The following CSMD1 variants were observed in gnomAD, a reference collection of about 807,000 sequenced individuals.
CSMD1 encodes CUB and sushi domain-containing protein 1.
A neutral mutation model predicts 417.5 loss-of-function variants in CSMD1; 213 were observed. The observed-to-expected ratio is 0.51, with a 90% CI of 0.46 to 0.57. The LOEUF is 0.57. Among genes scored for constraint, CSMD1 ranks in the 20% least tolerant of loss-of-function variants. The probability of loss-of-function intolerance (pLI) is 0.00; values close to 1 mark genes in which losing one functional copy is unlikely to be tolerated. For synonymous variants in CSMD1, 2,862 were observed against 1,736.8 expected, an observed-to-expected ratio of 1.65 and a Z score of -16.11; for missense variants, 6,923 against 4,529.7, an observed-to-expected ratio of 1.53 and a Z score of -15.17.
chr8:4,004,465 A>C (rs1585116405), intron 4 of CSMD1, among the ~76,000 whole-genome samples: 1 of 151,964 alleles, frequency 6.6e-6, no homozygotes, highest in Non-Finnish European at 1.5e-5. Flanking sequence ...GTAAAATAAA[A>C]TGGCCTAATT....
chr8:3,983,545 C>T (rs9650478), intron 5 of CSMD1, among the ~76,000 whole-genome samples: 38,556 of 152,060 alleles, frequency 0.25, 4,968 homozygotes, highest in East Asian at 0.39. Flanking sequence ...ATTTCAGTGC[C>T]GTGGAGAAGG....
intron 18 of CSMD1, among the ~76,000 whole-genome samples, chr8:3,372,821 C>G (rs1810056131): frequency 6.6e-6 from 1 of 152,092 alleles, no homozygotes; most frequent in Admixed American, 6.5e-5. Context: ...GAAGGGAGAC[C>G]ACAACTATGT....
chr8:3,639,131 G>A lies in CSMD1; in HGVS notation c.1010-22334C>T, dbSNP rs1046441186. Among the ~76,000 whole-genome samples the A allele has an allele frequency of 2.9e-4, 44 of 152,186 alleles. No individual in the cohort carries two copies. In the East Asian group the frequency reaches 4.5e-3, roughly 15 times the overall value. On this transcript the variant is annotated intron_variant, in intron 7 of 69. Coordinates refer to ENST00000635120, the MANE Select transcript of CSMD1 (RefSeq NM_033225.6). The stretch of plus-strand genomic sequence containing the variant: ...GACTTCATTCTAGCAAAAGATTTTC[G>A]CAGCTCTACTTTAAGCCTTGCAGTA...
intron 1 of CSMD1, among the ~76,000 whole-genome samples, chr8:4,795,249 T>C (rs1365760926): frequency 7.3e-6 from 1 of 136,844 alleles, no homozygotes; most frequent in Non-Finnish European, 1.5e-5. Flanking sequence ...GCTGGTGTCA[T>C]AGCTTTTTTT....
chr8:3,187,817 T>C, intron 36 of CSMD1, 52 bp downstream of exon 36: 8 of 1,322,408 alleles, frequency 6.0e-6, no homozygotes, highest in Non-Finnish European at 8.7e-6. Flanking sequence ...GTTGTTTTCT[T>C]GGTGTTTGCA....
chr8:3,729,092 G>C (rs1034107799), intron 6 of CSMD1, among the ~76,000 whole-genome samples: 3 of 152,196 alleles, frequency 2.0e-5, no homozygotes, highest in African/African-American at 7.2e-5. Context: ...ATGTCAGCCA[G>C]GGAAGTAAAG....
chr8:4,151,442 G>C (rs1231085000), intron 3 of CSMD1, among the ~76,000 whole-genome samples: 1 of 152,156 alleles, frequency 6.6e-6, no homozygotes, highest in South Asian at 2.1e-4. Flanking sequence ...ATTTGTAATT[G>C]CAATAAGATA....
At chr8:3,457,865 T>G (rs1816257096) in intron 12 of CSMD1, among the ~76,000 whole-genome samples, 1 of 152,144 alleles carries the variant, frequency 6.6e-6, no homozygotes, top group Admixed American at 6.5e-5. Context: ...GAGAATGTTA[T>G]CACATTCACA....
intron 5 of CSMD1, among the ~76,000 whole-genome samples, chr8:3,965,743 G>A (rs1037741963): frequency 7.2e-5 from 11 of 151,820 alleles, no homozygotes; most frequent in Admixed American, 1.3e-4. Context: ...TCAGCCTCCC[G>A]AGTAGCTGGG....
At chr8:3,238,789 G>A (rs1189813029) in intron 26 of CSMD1, among the ~76,000 whole-genome samples, 1 of 152,180 alleles carries the variant, frequency 6.6e-6, no homozygotes, top group Non-Finnish European at 1.5e-5. Flanking sequence ...AGCCTTGCCA[G>A]CAAAGATTAT....
chr8:3,004,864 C>T (rs752925791), intron 52 of CSMD1, among the ~76,000 whole-genome samples: 4 of 152,128 alleles, frequency 2.6e-5, no homozygotes, highest in Admixed American at 6.5e-5. Flanking sequence ...CGTGGCCAGG[C>T]GCAGTGGCTC....
Position 3,190,021 on chromosome 8 carries a change from G to C in CSMD1, c.5289C>G (p.Val1763=). 4 of 1,596,374 alleles carry C rather than the reference G, an allele frequency of 2.5e-6. No individual in the cohort carries two copies. Among genetic ancestry groups the C allele is most frequent in the Non-Finnish European group, 2.6e-6 (3 of 1,171,650 alleles). Reference sequence around the variant, plus strand: ...GGTATCCCGGGTTGCACTCGAATCGGACGATGGAGCCGGCAGAAAACTCAG... The same window carrying C: ...GGTATCCCGGGTTGCACTCGAATCGCACGATGGAGCCGGCAGAAAACTCAG... ...IGSEFSAGSI[V]RFECNPGYLL... The change falls in exon 34 of 70, where the codon GTC becomes GTG. Residue 1763 remains valine (V), a synonymous_variant. Coordinates refer to ENST00000635120, the MANE Select transcript of CSMD1 (RefSeq NM_033225.6).
At chr8:3,738,855 G>C (rs1271724355) in intron 6 of CSMD1, among the ~76,000 whole-genome samples, 1 of 152,166 alleles carries the variant, frequency 6.6e-6, no homozygotes. Context: ...ATCAATAAAT[G>C]TTACTTATTA....
intron 3 of CSMD1, among the ~76,000 whole-genome samples, chr8:4,032,990 CG>C (rs1797428579): frequency 6.6e-6 from 1 of 152,014 alleles, no homozygotes; most frequent in Admixed American, 6.6e-5. Flanking sequence ...AATCTGTTTG[CG>C]GAAGCCTGCT....
At chr8:4,906,175 C>T (rs973427461) in intron 1 of CSMD1, among the ~76,000 whole-genome samples, 2 of 152,138 alleles carry the variant, frequency 1.3e-5, no homozygotes, top group African/African-American at 2.4e-5. Flanking sequence ...CCTGTGAGAA[C>T]CCTTGAGTCT....
intron 50 of CSMD1, among the ~76,000 whole-genome samples, chr8:3,038,188 G>T (rs1585203172): frequency 6.6e-6 from 1 of 152,182 alleles, no homozygotes; most frequent in Non-Finnish European, 1.5e-5. Flanking sequence ...TCTGATCTCA[G>T]CGAGACAAGA....
intron 1 of CSMD1, among the ~76,000 whole-genome samples, chr8:4,971,031 G>C (rs558428873): frequency 5.9e-5 from 9 of 152,148 alleles, no homozygotes; most frequent in African/African-American, 2.2e-4. Context: ...TCCAGGGTAA[G>C]AATTGACTTA....
intron 1 of CSMD1, among the ~76,000 whole-genome samples, chr8:4,744,913 A>G (rs1475118766): frequency 6.6e-6 from 1 of 152,222 alleles, no homozygotes; most frequent in African/African-American, 2.4e-5. Context: ...CTCAGTATGT[A>G]TAAAAATCCA....
At chr8:4,890,030 G>T (rs147815653) in intron 1 of CSMD1, among the ~76,000 whole-genome samples, 2 of 152,186 alleles carry the variant, frequency 1.3e-5, no homozygotes, top group African/African-American at 4.8e-5. Context: ...ATTTCCTGAG[G>T]TTCTTGAGGT....
Sources: allele counts gnomAD v4.1 joint callset (sites outside exome capture counted in the v4.1 genomes callset), GRCh38; gene constraint gnomAD v4.1.1; transcripts MANE v1.5; gene names NCBI Gene and HGNC (gene_info 2026-07-23, HGNC 2026-07-21).